PTPRO: variants seen among roughly 807,000 people sequenced by gnomAD.
PTPRO encodes receptor-type tyrosine-protein phosphatase O.
Under a neutral mutation model 145.2 loss-of-function variants are expected in PTPRO, and 62 were observed. That is an observed-to-expected ratio of 0.43 (90% confidence interval 0.35 to 0.53). The LOEUF is 0.53. Ranked by LOEUF, PTPRO falls within the 20% of genes least tolerant of loss-of-function variation. PTPRO has a pLI of 0.01. For synonymous variants in PTPRO, 565 were observed against 514.7 expected, an observed-to-expected ratio of 1.10 and a Z score of -1.32; for missense variants, 1,345 against 1,482.7, an observed-to-expected ratio of 0.91 and a Z score of 1.53.
intron 1 of PTPRO, among the ~76,000 whole-genome samples, chr12:15,462,010 T>G (rs1386903957): frequency 6.6e-6 from 1 of 152,170 alleles, no homozygotes; most frequent in East Asian, 1.9e-4. Context: ...CAAGGCTGTT[T>G]CTGTTGCTTG....
At chr12:15,442,559 C>T (rs1161050701) in intron 1 of PTPRO, among the ~76,000 whole-genome samples, 1 of 152,036 alleles carries the variant, frequency 6.6e-6, no homozygotes, top group African/African-American at 2.4e-5. Flanking sequence ...AACTATCTCT[C>T]TTCATGGACA....
intron 1 of PTPRO, among the ~76,000 whole-genome samples, chr12:15,404,135 GC>G: frequency 7.2e-6 from 1 of 138,382 alleles, no homozygotes; most frequent in South Asian, 2.3e-4. Flanking sequence ...CTTGCAGTGA[GC>G]CGAGATCTCG....
chr12:15,580,316 T>C (rs1384302242), intron 21 of PTPRO, among the ~76,000 whole-genome samples: 1 of 152,220 alleles, frequency 6.6e-6, no homozygotes, highest in Non-Finnish European at 1.5e-5. Context: ...TATTTCTTTA[T>C]AAAGGTCCAG....
At chr12:15,405,906 A>T (rs573335935) in intron 1 of PTPRO, among the ~76,000 whole-genome samples, 7 of 152,322 alleles carry the variant, frequency 4.6e-5, no homozygotes, top group Admixed American at 3.9e-4. Context: ...GAAGTGGGAG[A>T]GAGTTGTAAT....
At chr12:15,475,769 G>T (rs1433560870) in intron 1 of PTPRO, among the ~76,000 whole-genome samples, 1 of 152,148 alleles carries the variant, frequency 6.6e-6, no homozygotes, top group Non-Finnish European at 1.5e-5. Context: ...CAGCAAACTT[G>T]CAGCTCTGGA....
chr12:15,519,685 G>A (rs765597410), intron 9 of PTPRO, among the ~76,000 whole-genome samples: 5 of 152,192 alleles, frequency 3.3e-5, no homozygotes, highest in Non-Finnish European at 7.4e-5. Context: ...CAGGCTTTTA[G>A]AGGATGTTTT....
At chr12:15,477,399 C>G (rs2136427598) in intron 1 of PTPRO, among the ~76,000 whole-genome samples, 1 of 146,696 alleles carries the variant, frequency 6.8e-6, no homozygotes, top group Admixed American at 6.8e-5. Context: ...ATACCTAATG[C>G]TAGATGATGA....
chr12:15,548,980 T>A, intron 13 of PTPRO, 114 bp from the exon 14 acceptor site: 1 of 1,179,456 alleles, frequency 8.5e-7, no homozygotes, highest in Non-Finnish European at 1.2e-6. Context: ...CTATTCTTTG[T>A]CATCTTATAC....
At chr12:15,420,214 C>G (rs1940106276) in intron 1 of PTPRO, among the ~76,000 whole-genome samples, 1 of 150,984 alleles carries the variant, frequency 6.6e-6, no homozygotes, top group Non-Finnish European at 1.5e-5. Flanking sequence ...TCCCTGGGTG[C>G]CTTTTTAAAA....
intron 2 of PTPRO, among the ~76,000 whole-genome samples, chr12:15,494,138 G>A (rs1382682222): frequency 6.6e-6 from 1 of 152,090 alleles, no homozygotes; most frequent in East Asian, 1.9e-4. Flanking sequence ...TGGTCATGGT[G>A]GGAAAAGAAT....
intron 1 of PTPRO, among the ~76,000 whole-genome samples, chr12:15,452,807 A>C (rs987853016): frequency 6.6e-6 from 1 of 152,148 alleles, no homozygotes; most frequent in Admixed American, 6.6e-5. Context: ...TTCATCTGCT[A>C]CTTTTTCTAG....
chr12:15,371,285 T>C (rs974476701), intron 1 of PTPRO, among the ~76,000 whole-genome samples: 11 of 151,410 alleles, frequency 7.3e-5, no homozygotes, highest in Non-Finnish European at 1.3e-4. Flanking sequence ...CAGGCTGGAG[T>C]GCAGTGGTGC....
intron 15 of PTPRO, among the ~76,000 whole-genome samples, chr12:15,552,727 A>C (rs1345211400): frequency 6.6e-6 from 1 of 152,032 alleles, no homozygotes; most frequent in Admixed American, 6.6e-5. Context: ...TAAAAGGATA[A>C]GAAGAGATGT....
chr12:15,401,250 T>G (rs544201987), intron 1 of PTPRO, among the ~76,000 whole-genome samples: 7 of 152,320 alleles, frequency 4.6e-5, no homozygotes, highest in African/African-American at 1.7e-4. Flanking sequence ...TACTCCAGCT[T>G]AGACATGTGC....
At chr12:15,504,219 G>T in intron 6 of PTPRO, 150 bp downstream of exon 6, 2 of 842,472 alleles carry the variant, frequency 2.4e-6, no homozygotes, top group Non-Finnish European at 3.7e-6. Context: ...CACAAGCTTT[G>T]GATAGCAGAG....
chr12:15,481,646 T>G (rs982988769), intron 1 of PTPRO, among the ~76,000 whole-genome samples: 2 of 152,090 alleles, frequency 1.3e-5, no homozygotes, highest in African/African-American at 4.8e-5. Flanking sequence ...GACCTTAGAG[T>G]ACTTATGGTC....
intron 1 of PTPRO, among the ~76,000 whole-genome samples, chr12:15,476,063 G>A (rs1941646043): frequency 6.6e-6 from 1 of 152,118 alleles, no homozygotes; most frequent in African/African-American, 2.4e-5. Flanking sequence ...AGAGAGAAGG[G>A]CGCTATGATA....
At chr12:15,579,293 G>A (rs980623558) in intron 20 of PTPRO, among the ~76,000 whole-genome samples, 12 of 152,132 alleles carry the variant, frequency 7.9e-5, no homozygotes, top group Admixed American at 3.9e-4. Flanking sequence ...ATGGGAAGGC[G>A]ATGCAGTATA....
At chr12:15,349,541 A>G (rs1257468582) in intron 1 of PTPRO, among the ~76,000 whole-genome samples, 1 of 152,228 alleles carries the variant, frequency 6.6e-6, no homozygotes, top group Non-Finnish European at 1.5e-5. Flanking sequence ...GAACTTGGCT[A>G]TGTGTCAGCA....
Sources: gnomAD v4.1 joint callset for allele counts (sites outside exome capture counted in the v4.1 genomes callset) on GRCh38, gnomAD v4.1.1 for gene constraint, MANE v1.5 for transcripts, NCBI Gene and HGNC (gene_info 2026-07-23, HGNC 2026-07-21) for gene names.